TMEFF2: variants seen among roughly 807,000 people sequenced by gnomAD.
The protein encoded by TMEFF2 is transmembrane protein with EGF like and two follistatin like domains 2.
In TMEFF2, 28 loss-of-function variants were observed where a neutral mutation model predicts 53.8. The ratio of observed to expected loss-of-function variants is 0.52; its 90% CI spans 0.39 to 0.71. The LOEUF (loss-of-function observed/expected upper bound fraction) is 0.71. TMEFF2 is among the 30% of genes least tolerant of loss of function. TMEFF2 has a pLI of 0.00. For synonymous variants in TMEFF2, 162 were observed against 166.3 expected (o/e 0.97, Z 0.20); for missense variants, 353 against 455.2 (o/e 0.78, Z 2.04).
At chr2:192,044,980 C>T (rs1253791480) in intron 5 of TMEFF2, among the ~76,000 whole-genome samples, 1 of 152,136 alleles carries the variant, frequency 6.6e-6, no homozygotes, top group Non-Finnish European at 1.5e-5. Context: ...TCAAATCAGG[C>T]TCTTGGCACA....
chr2:192,077,883 ATTAT>A (rs1559116599), intron 4 of TMEFF2, among the ~76,000 whole-genome samples: 1 of 152,058 alleles, frequency 6.6e-6, no homozygotes, highest in African/African-American at 2.4e-5. Flanking sequence ...GTCTTAAAAC[ATTAT>A]TTAAATATTT....
chr2:192,171,409 G>C (rs920870884), intron 4 of TMEFF2, among the ~76,000 whole-genome samples: 7 of 151,550 alleles, frequency 4.6e-5, no homozygotes, highest in African/African-American at 9.7e-5. Flanking sequence ...CTTCAGCAAG[G>C]CATGTTCTCA....
intron 5 of TMEFF2, among the ~76,000 whole-genome samples, chr2:192,054,608 C>T (rs1039263383): frequency 4.7e-4 from 72 of 152,136 alleles, no homozygotes; most frequent in African/African-American, 1.6e-3. Context: ...TTCCCACTTC[C>T]AGCTGCAAAC....
rs34553641 is a variant in TMEFF2, at chr2:192,114,064, T to TTGTGTG, written c.440-56295_440-56290dup. Among the ~76,000 whole-genome samples the TTGTGTG allele has an allele frequency of 4.5e-3, 640 of 143,160 alleles. 3 individuals carry two copies. The highest frequency in any genetic ancestry group is 7.2e-3 in the Middle Eastern group (2 of 278). 93.9% of individuals were successfully genotyped at this position (143,160 alleles called of 152,430 possible). ...AACAATATTGAATAAAATCTGGAAA[T>TTGTGTG]TGTGTGTGTGTGTGTGTGTGTGTGT... On this transcript the variant is annotated intron_variant, in intron 4 of 9. Transcript: ENST00000272771.
At chr2:192,153,246 C>T (rs1448454872) in intron 4 of TMEFF2, among the ~76,000 whole-genome samples, 4 of 151,660 alleles carry the variant, frequency 2.6e-5, no homozygotes, top group Non-Finnish European at 5.9e-5. Context: ...TTAATATTAG[C>T]CCTTATAAAT....
intron 5 of TMEFF2, among the ~76,000 whole-genome samples, chr2:192,000,150 G>A (rs73035609): frequency 3.3e-5 from 5 of 151,810 alleles, no homozygotes; most frequent in Non-Finnish European, 5.9e-5. Flanking sequence ...TGGTGTATGT[G>A]TACAACCATG....
intron 5 of TMEFF2, among the ~76,000 whole-genome samples, chr2:192,052,310 C>T (rs1687791607): frequency 6.6e-6 from 1 of 152,186 alleles, no homozygotes; most frequent in African/African-American, 2.4e-5. Context: ...TGGTCAGACC[C>T]AGCTATCAGT....
chr2:192,097,905 A>T (rs1688952122), intron 4 of TMEFF2, among the ~76,000 whole-genome samples: 1 of 152,216 alleles, frequency 6.6e-6, no homozygotes, highest in African/African-American at 2.4e-5. Flanking sequence ...AGTATTATTA[A>T]GTGATAACAA....
intron 4 of TMEFF2, among the ~76,000 whole-genome samples, chr2:192,090,125 C>T (rs1356709127): frequency 1.3e-5 from 2 of 152,150 alleles, no homozygotes; most frequent in South Asian, 2.1e-4. Context: ...ATTCTTTCCT[C>T]TTGCCTTATG....
chr2:192,142,266 A>C (rs894397391), intron 4 of TMEFF2, among the ~76,000 whole-genome samples: 1 of 152,138 alleles, frequency 6.6e-6, no homozygotes, highest in Admixed American at 6.5e-5. Context: ...TCAATCTGGC[A>C]TATTGAGGTG....
chr2:192,030,967 A>G (rs548569662), intron 5 of TMEFF2, among the ~76,000 whole-genome samples: 136 of 152,160 alleles, frequency 8.9e-4, no homozygotes, highest in Non-Finnish European at 1.3e-3. Context: ...CAGAGTCAAG[A>G]AACAGATACC....
intron 3 of TMEFF2, among the ~76,000 whole-genome samples, chr2:192,183,101 C>G (rs988374081): frequency 6.6e-6 from 1 of 151,958 alleles, no homozygotes; most frequent in Non-Finnish European, 1.5e-5. Context: ...TCCTGACCAC[C>G]CTTTCATGAA....
intron 4 of TMEFF2, among the ~76,000 whole-genome samples, chr2:192,140,486 C>A (rs1690110770): frequency 6.6e-6 from 1 of 150,926 alleles, no homozygotes; most frequent in Non-Finnish European, 1.5e-5. Flanking sequence ...AGATCATTCA[C>A]ACAGTATTCT....
chr2:192,178,752 T>C (rs1691113038), intron 4 of TMEFF2: 1 of 151,314 alleles, frequency 6.6e-6, no homozygotes, highest in Admixed American at 6.6e-5. Flanking sequence ...TTTACTTATC[T>C]TTTATCAAAT....
intron 7 of TMEFF2, among the ~76,000 whole-genome samples, chr2:191,971,356 C>G (rs1328404102): frequency 6.6e-6 from 1 of 152,162 alleles, no homozygotes; most frequent in African/African-American, 2.4e-5. Context: ...TGGAGAGAGT[C>G]AAACTTCTAT....
At chr2:191,994,572 C>G (rs1574274446) in intron 7 of TMEFF2, among the ~76,000 whole-genome samples, 1 of 151,624 alleles carries the variant, frequency 6.6e-6, no homozygotes, top group East Asian at 1.9e-4. Flanking sequence ...GAGGGACACA[C>G]ACACACACAT....
At chr2:192,009,782 T>C (rs1192587027) in intron 5 of TMEFF2, among the ~76,000 whole-genome samples, 6 of 152,150 alleles carry the variant, frequency 3.9e-5, no homozygotes, top group African/African-American at 9.6e-5. Context: ...TGTAATATTA[T>C]GGTTCTTAAG....
intron 5 of TMEFF2, among the ~76,000 whole-genome samples, chr2:192,003,929 G>GTGT (rs1553512499): frequency 0.013 from 1,565 of 117,542 alleles, 42 homozygotes; most frequent in Middle Eastern, 0.02. Context: ...GTGTGTGTGT[G>GTGT]GGGGGGGGGC....
At chr2:192,037,268 CAAAATAAA>C (rs1219760942) in intron 5 of TMEFF2, 1 of 22,692 alleles carries the variant, frequency 4.4e-5, no homozygotes, top group African/African-American at 1.3e-4. Context: ...TAAGACTAGC[CAAAATAAA>C]GAAAGAAAGA....
Sources: allele counts gnomAD v4.1 joint callset (sites outside exome capture counted in the v4.1 genomes callset), GRCh38; gene constraint gnomAD v4.1.1; transcripts MANE v1.5; gene names NCBI Gene and HGNC (gene_info 2026-07-23, HGNC 2026-07-21).